The following UACA variants were observed in gnomAD, a reference collection of about 807,000 sequenced individuals.
UACA encodes the protein nuclear membrane binding protein.
UACA carries 112 observed loss-of-function variants against 160.5 expected under a neutral mutation model. The observed-to-expected ratio is 0.70, with a 90% CI of 0.60 to 0.82. The LOEUF is 0.82. Among genes scored for constraint, UACA ranks in the 40% least tolerant of loss-of-function variants. The pLI, the probability that UACA is intolerant of heterozygous loss-of-function variation, is 0.00. For synonymous variants in UACA, 557 were observed against 568.4 expected, an observed-to-expected ratio of 0.98 and a Z score of 0.29; for missense variants, 1,574 against 1,614.6, an observed-to-expected ratio of 0.97 and a Z score of 0.43.
chr15:70,695,002 T>C lies in UACA; in HGVS notation c.301+15A>G, dbSNP rs773376750. Reference sequence around the variant, plus strand: ...TCACTTTATGTTTTATAATTAACTATGGAGGCAAACATACCTGCAGTGTCA... The same window carrying C: ...TCACTTTATGTTTTATAATTAACTACGGAGGCAAACATACCTGCAGTGTCA... On this transcript the variant is annotated intron_variant, in intron 3 of 18. Transcript: ENST00000322954. The C allele has an allele frequency of 3.1e-6, 5 of 1,587,698 alleles. No homozygotes were observed. Among genetic ancestry groups the C allele is most frequent in the Admixed American group, 3.4e-5 (2 of 59,310 alleles).
chr15:70,679,458 A>C, intron 10 of UACA, 150 bp downstream of exon 10: 2 of 389,768 alleles, frequency 5.1e-6, no homozygotes, highest in South Asian at 9.5e-5. Flanking sequence ...TTAGGCAAAA[A>C]AAAAGAGAAT....
At position 70,682,786 on chromosome 15, in the gene UACA, A is replaced by T. The variant is rs988124378; in HGVS notation, c.794T>A (p.Leu265His). 1.9e-6 allele frequency: 3 copies of T among 1,565,970 alleles called. No homozygotes were observed. In the African/African-American group the frequency reaches 4.1e-5, roughly 22 times the overall value. ...TTGCAAAGATGGCCCTTTCTTCCAA[A>T]GTTCTCTCCCTAAGATTTAGAGAAA... ...ASENTNKGRE[L>H]WKKGPSLQQR... is the part of the protein sequence containing the mutation. The change falls in exon 9 of 19, where the codon CTT becomes CAT. Residue 265 changes from leucine to histidine, a missense_variant. Physicochemically the swap from Leu to His is moderately conservative, Grantham distance 99 (BLOSUM62 -3). Transcript: ENST00000322954.
chr15:70,678,092 T>G lies in UACA; in HGVS notation c.999+7A>C. ...AGTTTATTTTTCTATTATGCAGATT[T>G]ATTTACCTCATTCAGCTGTAACTGT... On this transcript the variant is annotated splice_region_variant and intron_variant, in intron 11 of 18. Transcript: ENST00000322954. The G allele has an allele frequency of 6.4e-7, 1 of 1,562,924 alleles. No homozygotes were observed. Among genetic ancestry groups the G allele is most frequent in the Non-Finnish European group, 8.7e-7 (1 of 1,151,602 alleles).
chr15:70,775,037 T>G, the UACA span, among the ~76,000 whole-genome samples: 1 of 151,684 alleles, frequency 6.6e-6, no homozygotes, highest in Non-Finnish European at 1.5e-5. Context: ...CCAGCCTGGG[T>G]AAAAGAGTGA....
chr15:70,763,383 T>C lies in UACA; in HGVS notation c.25A>G (p.Arg9Gly). 1.5e-6 allele frequency: 2 copies of C among 1,330,108 alleles called. No individual in the cohort carries two copies. The highest frequency in any genetic ancestry group is 1.9e-6 in the Non-Finnish European group (2 of 1,033,762). 82.4% of individuals were successfully genotyped at this position (1,330,108 alleles called of 1,614,324 possible). A position where few individuals can be genotyped will look rare whatever the true frequency, so the allele number is the denominator to read the frequency against. MKSLKSRL[R>G]RQDVPGPASS... is the part of the protein sequence containing the mutation. ...GCGGGGCCGGGCACGTCCTGCCTCCTCAGGCGGGACTTGAGGCTCTTCATG... is the reference window on the plus strand; with the variant it reads ...GCGGGGCCGGGCACGTCCTGCCTCCCCAGGCGGGACTTGAGGCTCTTCATG... Residue 9 changes from arginine to glycine, a missense_variant, in exon 1 of 19, where the codon AGG (arginine) becomes GGG (glycine). Physicochemically the swap from Arg to Gly is moderately radical, Grantham distance 125. Coordinates refer to ENST00000322954, the MANE Select transcript of UACA (RefSeq NM_018003.4).
intron 1 of UACA, among the ~76,000 whole-genome samples, chr15:70,712,733 G>A (rs1898720771): frequency 6.6e-6 from 1 of 152,174 alleles, no homozygotes; most frequent in African/African-American, 2.4e-5. Flanking sequence ...GTAATTAGTT[G>A]CAGAATGATT....
At chr15:70,657,253 GT>G (rs1431480406) in intron 18 of UACA, 126 bp from the exon 19 acceptor site, 5 of 744,416 alleles carry the variant, frequency 6.7e-6, no homozygotes, top group African/African-American at 3.5e-5. Flanking sequence ...CCTCATCATT[GT>G]GATTTCTAAA....
chr15:70,767,719 T>A (rs1405418862), upstream of UACA, among the ~76,000 whole-genome samples: 2 of 152,250 alleles, frequency 1.3e-5, no homozygotes, highest in African/African-American at 4.8e-5. Flanking sequence ...CTCTTCATTT[T>A]CAGAACTTCT....
In UACA at chr15:70,655,550, T is replaced by A. The variant is rs1467970680; in HGVS notation, c.*1506A>T. The A allele has an allele frequency of 6.6e-6, 1 of 152,176 alleles. No homozygotes were observed. Among genetic ancestry groups the A allele is most frequent in the Non-Finnish European group, 1.5e-5 (1 of 68,032 alleles). The allele number at this position is 152,176 out of a possible 1,614,324, so 9.4% of individuals were successfully genotyped here. On this transcript the variant is annotated 3_prime_UTR_variant, in exon 19 of 19. Coordinates refer to ENST00000322954, the MANE Select transcript of UACA (RefSeq NM_018003.4). ...GCAACTTTTTTAATTTATATTTTAT[T>A]TTTTATTGAAATAGGTGGCCCAAAA...
At chr15:70,671,171 C>G (rs1595875924) in intron 14 of UACA, 80 bp from the exon 15 acceptor site, 1 of 1,006,264 alleles carries the variant, frequency 9.9e-7, no homozygotes, top group South Asian at 1.5e-5. Context: ...ATGTTATTTC[C>G]TTTATTATTC....
chr15:70,741,938 A>G (rs1899550793), intron 1 of UACA, among the ~76,000 whole-genome samples: 1 of 151,968 alleles, frequency 6.6e-6, no homozygotes. Context: ...GTTCTAGGAT[A>G]CACACAAACA....
rs2030900290 is a variant in UACA, at chr15:70,763,402, C to T, written c.6G>A (p.Lys2=). The T allele has an allele frequency of 1.5e-6, 2 of 1,320,626 alleles. No homozygotes were observed. The highest frequency in any genetic ancestry group is 1.9e-6 in the Non-Finnish European group (2 of 1,027,328). 81.8% of individuals were successfully genotyped at this position (1,320,626 alleles called of 1,614,324 possible). ...GCCTCCTCAGGCGGGACTTGAGGCT[C>T]TTCATGGCTAACTCTTGCCTGGCCC... M[K]SLKSRLRRQD... The change falls in exon 1 of 19, where the codon AAG becomes AAA. Residue 2 remains lysine (K), a synonymous_variant. Transcript: ENST00000322954.
chr15:70,659,395 G>GTTTTTCTTTTTTTTTTTTTTT (rs1896607424), intron 18 of UACA, among the ~76,000 whole-genome samples: 1 of 18,816 alleles, frequency 5.3e-5, no homozygotes, highest in Non-Finnish European at 9.6e-5. Context: ...TTTTTTGTTT[G>GTTTTTCTTTTTTTTTTTTTTT]TTTTTTTTTT....
At position 70,660,155 on chromosome 15, in the gene UACA, G is replaced by A; in HGVS notation, c.4175C>T (p.Ala1392Val). ...AIYRTHLLSAAQGHMDEDVQE... is the reference protein window; with the variant it reads ...AIYRTHLLSAVQGHMDEDVQE... Reference sequence around the variant, plus strand: ...AAAGGAGAAGTAGTTCTTTACCTGTGCAGCACTAAGAAGGTGTGTCCGATA... The same window carrying A: ...AAAGGAGAAGTAGTTCTTTACCTGTACAGCACTAAGAAGGTGTGTCCGATA... The change falls in exon 18 of 19, where the codon GCA becomes GTA. Residue 1392 changes from alanine (A) to valine (V), a missense_variant. Coordinates refer to ENST00000322954, the MANE Select transcript of UACA (RefSeq NM_018003.4). 6.2e-7 allele frequency: 1 copy of A among 1,612,166 alleles called. No individual in the cohort carries two copies. Among genetic ancestry groups the A allele is most frequent in the Non-Finnish European group, 8.5e-7 (1 of 1,178,632 alleles).
At chr15:70,659,395 G>GTTTTTTTTTTTTTTTTTT (rs71152307) in intron 18 of UACA, among the ~76,000 whole-genome samples, 334 of 18,842 alleles carry the variant, frequency 0.018, 141 homozygotes, top group East Asian at 0.03. Flanking sequence ...TTTTTTGTTT[G>GTTTTTTTTTTTTTTTTTT]TTTTTTTTTT....
intron 3 of UACA, among the ~76,000 whole-genome samples, chr15:70,692,568 G>C (rs1433711812): frequency 6.6e-6 from 1 of 152,134 alleles, no homozygotes; most frequent in Admixed American, 6.6e-5. Context: ...CCTGGGAGTT[G>C]AGACCAGCGT....
rs1897352723 is a variant in UACA at position 70,678,086 on chromosome 15, CAG to C, written c.999+11_999+12del. ...TAAGACAGTTTATTTTTCTATTATGCAGATTTATTTACCTCATTCAGCTGTAA... is the reference window on the plus strand; with the variant it reads ...TAAGACAGTTTATTTTTCTATTATGCATTTATTTACCTCATTCAGCTGTAA... On this transcript the variant is annotated intron_variant, in intron 11 of 18. Coordinates refer to ENST00000322954, the MANE Select transcript of UACA (RefSeq NM_018003.4). 1 of 1,530,078 alleles carries C rather than the reference CAG, an allele frequency of 6.5e-7. No homozygotes were observed. The highest frequency in any genetic ancestry group is 1.4e-5 in the African/African-American group (1 of 71,816). 94.8% of individuals were successfully genotyped at this position (1,530,078 alleles called of 1,614,324 possible). A position where few individuals can be genotyped will look rare whatever the true frequency, so the allele number is the denominator to read the frequency against.
chr15:70,706,298 T>C (rs1898521582), intron 1 of UACA, among the ~76,000 whole-genome samples: 1 of 151,976 alleles, frequency 6.6e-6, no homozygotes, highest in South Asian at 2.1e-4. Flanking sequence ...AGACCATATA[T>C]GAAAAGCCCA....
chr15:70,735,147 T>TAAAAA (rs1555415817), intron 1 of UACA, among the ~76,000 whole-genome samples: 8 of 3,072 alleles, frequency 2.6e-3, no homozygotes, highest in Admixed American at 8.9e-3. Flanking sequence ...TAGAGTATAA[T>TAAAAA]AAAAAAAAAA....
Sources: gnomAD v4.1 joint callset for allele counts (sites outside exome capture counted in the v4.1 genomes callset) on GRCh38, gnomAD v4.1.1 for gene constraint, MANE v1.5 for transcripts, NCBI Gene and HGNC (gene_info 2026-07-23, HGNC 2026-07-21) for gene names.